IGSF3: variants seen among roughly 807,000 people sequenced by gnomAD.
The protein encoded by IGSF3 is immunoglobulin superfamily member 3.
A neutral mutation model predicts 114.4 loss-of-function variants in IGSF3; 23 were observed. That is an observed-to-expected ratio of 0.20 (90% CI 0.14 to 0.28). IGSF3 has a LOEUF of 0.28. Ranked by LOEUF, IGSF3 falls within the 10% of genes least tolerant of loss-of-function variation. The pLI, the probability that IGSF3 is intolerant of heterozygous loss-of-function variation, is 1.00. For missense variants in IGSF3, 1,172 were observed against 1,591.5 expected (o/e 0.74, Z 4.48); for synonymous variants, 571 against 645.2 (o/e 0.88, Z 1.74).
chr1:116,642,629 C>T lies in IGSF3; in HGVS notation c.43+23655G>A, dbSNP rs1268102621. On this transcript the variant is annotated intron_variant, in intron 2 of 10. Coordinates refer to ENST00000369486, the MANE Select transcript of IGSF3 (RefSeq NM_001007237.3). The surrounding 1 kb of genome is among the most constrained non-coding windows in gnomAD (Gnocchi z 5.4). Reference sequence around the variant, plus strand: ...CCAAATGTGAAAAAGAAAAGCCTCACAAGAATTAAAATTGATGGTTGGAAC... The same window carrying T: ...CCAAATGTGAAAAAGAAAAGCCTCATAAGAATTAAAATTGATGGTTGGAAC... Among the ~76,000 whole-genome samples, 1 of 152,242 alleles carries T rather than the reference C, an allele frequency of 6.6e-6. No individual in the cohort carries two copies. Among genetic ancestry groups the T allele is most frequent in the Non-Finnish European group, 1.5e-5 (1 of 68,044 alleles).
intron 2 of IGSF3, among the ~76,000 whole-genome samples, chr1:116,620,245 T>C (rs1163145212): frequency 6.6e-6 from 1 of 152,082 alleles, no homozygotes; most frequent in Non-Finnish European, 1.5e-5. Context: ...ACGGAGGCAG[T>C]TTCAAGGAAG....
In IGSF3 at chr1:116,642,678, G is replaced by A. The variant is rs1371723542; in HGVS notation, c.43+23606C>T. On this transcript the variant is annotated intron_variant, in intron 2 of 10. Coordinates refer to ENST00000369486, the MANE Select transcript of IGSF3 (RefSeq NM_001007237.3). The surrounding 1 kb of genome is among the most constrained non-coding windows in gnomAD (Gnocchi z 5.4). ...ACTGGGCGCTCCGAGGCTGTGGGCC[G>A]GTGTCCTGCCCTGAAGAGCTTGGCT... 6.6e-6 allele frequency among the ~76,000 whole-genome samples: 1 copy of A among 152,232 alleles called. No individual in the cohort carries two copies. The highest frequency in any genetic ancestry group is 1.5e-5 in the Non-Finnish European group (1 of 68,034).
At chr1:116,645,074 A>G (rs2284862) in intron 2 of IGSF3, among the ~76,000 whole-genome samples, 15,245 of 152,280 alleles carry the variant, frequency 0.1, 967 homozygotes, top group Non-Finnish European at 0.14. Context: ...TAATAGCTGT[A>G]TTCATAGTAG....
chr1:116,660,602 C>T (rs567258563), intron 2 of IGSF3, among the ~76,000 whole-genome samples: 16 of 151,168 alleles, frequency 1.1e-4, no homozygotes, highest in South Asian at 4.2e-4. Context: ...CTCAGCCTTC[C>T]GAGGTGCTGG....
intron 4 of IGSF3, among the ~76,000 whole-genome samples, chr1:116,610,000 CCACATCATCAA>C (rs1174256163): frequency 6.6e-6 from 1 of 152,092 alleles, no homozygotes; most frequent in Non-Finnish European, 1.5e-5. Flanking sequence ...ACAGGGAAAA[CCACATCATCAA>C]CTCCAGGGCC....
At position 116,583,431 on chromosome 1, in the gene IGSF3, C is replaced by T. The variant is rs1659678741; in HGVS notation, c.2848+1214G>A. On this transcript the variant is annotated intron_variant, in intron 9 of 10. Coordinates refer to ENST00000369486, the MANE Select transcript of IGSF3 (RefSeq NM_001007237.3). The surrounding 1 kb of genome is among the most constrained non-coding windows in gnomAD (Gnocchi z 4.5). ...TGTTCCCTGCAGTTTAGGCAAGACACAGGCGAGTGAGATACTGCCCATTTC... is the reference window on the plus strand; with the variant it reads ...TGTTCCCTGCAGTTTAGGCAAGACATAGGCGAGTGAGATACTGCCCATTTC... Among the ~76,000 whole-genome samples, 1 of 152,212 alleles carries T rather than the reference C, an allele frequency of 6.6e-6. No individual in the cohort carries two copies. Among genetic ancestry groups the T allele is most frequent in the Non-Finnish European group, 1.5e-5 (1 of 68,036 alleles).
intron 4 of IGSF3, among the ~76,000 whole-genome samples, chr1:116,608,694 G>A (rs1471262976): frequency 6.6e-6 from 1 of 152,126 alleles, no homozygotes; most frequent in Non-Finnish European, 1.5e-5. Context: ...ATCTAGCCTT[G>A]ATATATGCAC....
chr1:116,613,922 C>A lies in IGSF3; in HGVS notation c.675G>T (p.Gly225=). The part of the protein sequence containing the change: ...SLGEVRLDKL[G]RTTFRLTIFH... ...AGATGGTGAGGCGGAAGGTGGTCCT[C>A]CCCAGCTTGTCCAGCCGCACCTCCC... Residue 225 remains glycine, a synonymous_variant, in exon 4 of 11, where the codon GGG becomes GGT. Transcript: ENST00000369486. 1.2e-6 allele frequency: 2 copies of A among 1,613,948 alleles called. No homozygotes were observed. Among genetic ancestry groups the A allele is most frequent in the Non-Finnish European group, 1.7e-6 (2 of 1,179,846 alleles).
intron 8 of IGSF3, among the ~76,000 whole-genome samples, chr1:116,586,415 T>G (rs1053773410): frequency 6.6e-6 from 1 of 152,026 alleles, no homozygotes; most frequent in African/African-American, 2.4e-5. Context: ...GTATGTATTT[T>G]CCAAAAGCTC....
At chr1:116,626,265 C>T (rs1204062954) in intron 2 of IGSF3, among the ~76,000 whole-genome samples, 2 of 151,856 alleles carry the variant, frequency 1.3e-5, no homozygotes, top group Non-Finnish European at 2.9e-5. Flanking sequence ...AAAAAAAATG[C>T]TTTTATATCC....
chr1:116,629,544 T>C lies in IGSF3; in HGVS notation c.44-13087A>G, dbSNP rs1647461790. 6.6e-6 allele frequency among the ~76,000 whole-genome samples: 1 copy of C among 151,862 alleles called. No individual in the cohort carries two copies. The highest frequency in any genetic ancestry group is 1.5e-5 in the Non-Finnish European group (1 of 67,962). On this transcript the variant is annotated intron_variant, in intron 2 of 10. Coordinates refer to ENST00000369486, the MANE Select transcript of IGSF3 (RefSeq NM_001007237.3). The surrounding 1 kb of genome is among the most constrained non-coding windows in gnomAD (Gnocchi z 4.3). ...TTTTGGTACAGATGAATTCAGGTTG[T>C]GTAAGTGGAGAGGAGGGAGGTGGCC...
chr1:116,616,302 G>C lies in IGSF3; in HGVS notation c.199C>G (p.Arg67Gly), dbSNP rs767125045. ...WSIYLPSSPEREVQIVSTMDS... is the reference protein window; with the variant it reads ...WSIYLPSSPEGEVQIVSTMDS... ...ATGGTGCTGACGATCTGCACCTCTC[G>C]CTCTGGCGACGAAGGCAGGTAAATG... is the stretch of plus-strand genomic sequence containing the variant. Residue 67 changes from arginine (R) to glycine (G), a missense_variant, in exon 3 of 11, where the codon CGA becomes GGA. This residue lies in a region of IGSF3 where 736 missense variants were observed against 1,042.0 expected (regional missense o/e 0.71). Coordinates refer to ENST00000369486, the MANE Select transcript of IGSF3 (RefSeq NM_001007237.3). The surrounding 1 kb of genome is among the most constrained non-coding windows in gnomAD (Gnocchi z 6.6). 10 of 1,612,010 alleles carry C rather than the reference G, an allele frequency of 6.2e-6. No homozygotes were observed. The Admixed American group carries it at 1.7e-4, about 27-fold the overall frequency.
intron 2 of IGSF3, among the ~76,000 whole-genome samples, chr1:116,622,772 G>A (rs1557875864): frequency 6.6e-6 from 1 of 152,182 alleles, no homozygotes; most frequent in African/African-American, 2.4e-5. Context: ...ACAAGGAAAT[G>A]GTTTTCAAGG....
chr1:116,642,190 G>A lies in IGSF3; in HGVS notation c.43+24094C>T, dbSNP rs73001871. Among the ~76,000 whole-genome samples the A allele has an allele frequency of 4.6e-5, 7 of 151,606 alleles. No homozygotes were observed. The highest frequency in any genetic ancestry group is 7.3e-5 in the African/African-American group (3 of 41,262). The stretch of plus-strand genomic sequence containing the variant: ...ATTTCATTTTTTTCCCACACACCTC[G>A]CATCTGATTTTTGATTTTTAACATG... On this transcript the variant is annotated intron_variant, in intron 2 of 10. Transcript: ENST00000369486. The surrounding 1 kb of genome is among the most constrained non-coding windows in gnomAD (Gnocchi z 5.4).
In IGSF3 at chr1:116,644,002, G is replaced by A. The variant is rs1648230031; in HGVS notation, c.43+22282C>T. Among the ~76,000 whole-genome samples, 1 of 152,134 alleles carries A rather than the reference G, an allele frequency of 6.6e-6. No individual in the cohort carries two copies. The highest frequency in any genetic ancestry group is 1.5e-5 in the Non-Finnish European group (1 of 68,020). On this transcript the variant is annotated intron_variant, in intron 2 of 10. Transcript: ENST00000369486. This position sits in a 1 kb window ranked among gnomAD's most constrained non-coding sequence, Gnocchi z 5.6. ...AATTTGGAGGGGCTGCTCCCAGCAC[G>A]CATGCTGCAAGATAAACTTCAGTGC... is the stretch of plus-strand genomic sequence containing the variant.
chr1:116,641,053 C>G (rs1017208087), intron 2 of IGSF3, among the ~76,000 whole-genome samples: 3 of 152,182 alleles, frequency 2.0e-5, no homozygotes, highest in African/African-American at 7.2e-5. Flanking sequence ...CTCGGATTTT[C>G]TTGAAAATTC....
chr1:116,611,394 G>T (rs540048287), intron 4 of IGSF3, among the ~76,000 whole-genome samples: 3 of 152,262 alleles, frequency 2.0e-5, no homozygotes, highest in Non-Finnish European at 2.9e-5. Context: ...GTGCACATAC[G>T]TGCACATGAA....
intron 2 of IGSF3, among the ~76,000 whole-genome samples, chr1:116,646,003 TTGC>T (rs1171087720): frequency 6.6e-6 from 1 of 152,162 alleles, no homozygotes; most frequent in Admixed American, 6.5e-5. Flanking sequence ...CAGGGCCGAA[TTGC>T]TGCTGATTTG....
intron 1 of IGSF3, 102 bp downstream of exon 1, chr1:116,667,516 G>GCCCGCTC (rs1557892024): frequency 6.7e-6 from 1 of 149,894 alleles, no homozygotes; most frequent in African/African-American, 2.4e-5. Context: ...GCCGGCGCGG[G>GCCCGCTC]CCCGCTCCCC....
Sources: gnomAD v4.1 joint callset for allele counts (sites outside exome capture counted in the v4.1 genomes callset) on GRCh38, gnomAD v4.1.1 for gene constraint, gnomAD v4.1.1 regional missense constraint, Gnocchi (gnomAD v3.1) non-coding constraint, MANE v1.5 for transcripts, NCBI Gene and HGNC (gene_info 2026-07-23, HGNC 2026-07-21) for gene names.